RPTOR: variants seen among roughly 807,000 people sequenced by gnomAD.
RPTOR encodes regulatory-associated protein of mTOR.
Under a neutral mutation model 169.9 loss-of-function variants are expected in RPTOR, and 21 were observed. The observed-to-expected ratio is 0.12, with a 90% confidence interval of 0.09 to 0.18. The LOEUF (loss-of-function observed/expected upper bound fraction) is 0.18, where lower values mean the gene tolerates loss of function less well. RPTOR is among the 10% of genes least tolerant of loss of function. The pLI is 1.00. For synonymous variants in RPTOR, 732 were observed against 753.2 expected (o/e 0.97, Z 0.46); for missense variants, 1,133 against 1,855.9 (o/e 0.61, Z 7.16).
chr17:80,688,464 G>A (rs965493805), intron 3 of RPTOR, among the ~76,000 whole-genome samples: 2 of 152,224 alleles, frequency 1.3e-5, no homozygotes, highest in Non-Finnish European at 2.9e-5. Flanking sequence ...AGTATTGTCA[G>A]GTTCTGGATA....
chr17:80,578,025 G>A (rs1298532828), intron 1 of RPTOR, among the ~76,000 whole-genome samples: 1 of 152,228 alleles, frequency 6.6e-6, no homozygotes, highest in East Asian at 1.9e-4. Context: ...GACTGAGGGC[G>A]GAGATAGCCT....
At chr17:80,774,421 T>G (rs1272253825) in intron 6 of RPTOR, 10 of 902,766 alleles carry the variant, frequency 1.1e-5, no homozygotes, top group Non-Finnish European at 1.3e-5. Context: ...ACCCAGGACT[T>G]GTCAAAGCAG....
intron 1 of RPTOR, among the ~76,000 whole-genome samples, chr17:80,585,047 T>A (rs2065047250): frequency 6.6e-6 from 1 of 152,166 alleles, no homozygotes; most frequent in African/African-American, 2.4e-5. Flanking sequence ...GAGACTTTGC[T>A]TTTATGTGAA....
At chr17:80,932,304 A>G (rs530033374) in intron 24 of RPTOR, among the ~76,000 whole-genome samples, 1 of 152,214 alleles carries the variant, frequency 6.6e-6, no homozygotes, top group East Asian at 1.9e-4. Flanking sequence ...CCAGGAGTTC[A>G]AGACTAGCCT....
chr17:80,674,787 CAAAAAAAAA>C (rs9319608), intron 3 of RPTOR, among the ~76,000 whole-genome samples: 1 of 89,954 alleles, frequency 1.1e-5, no homozygotes, highest in African/African-American at 4.1e-5. Flanking sequence ...GACTCTGTCT[CAAAAAAAAA>C]AAAAAAAAAA....
chr17:80,828,079 GC>G (rs1324076374), intron 9 of RPTOR, among the ~76,000 whole-genome samples: 2 of 152,212 alleles, frequency 1.3e-5, no homozygotes, highest in African/African-American at 4.8e-5. Context: ...GTGCACCCAG[GC>G]AGAAGTGGTG....
In RPTOR at chr17:80,816,861, T is replaced by C. The variant is rs1191827268; in HGVS notation, c.891-5340T>C. ...ACAGGCATAAGGCCCCAGCGGCCAC[T>C]GCATGTTGAGCCCCAGCAGCCAGTG... is the stretch of plus-strand genomic sequence containing the variant. On this transcript the variant is annotated intron_variant, in intron 7 of 33. Coordinates refer to ENST00000306801, the MANE Select transcript of RPTOR (RefSeq NM_020761.3). Among the ~76,000 whole-genome samples the C allele has an allele frequency of 3.3e-5, 5 of 152,294 alleles. No individual in the cohort carries two copies. In the East Asian group the frequency reaches 5.8e-4, roughly 18 times the overall value.
intron 9 of RPTOR, among the ~76,000 whole-genome samples, chr17:80,831,317 T>A (rs1037601068): frequency 2.6e-5 from 4 of 152,334 alleles, no homozygotes; most frequent in Non-Finnish European, 5.9e-5. Flanking sequence ...TCAGTCCATG[T>A]CACCCTGAGA....
chr17:80,897,247 CAA>C (rs5822374), intron 20 of RPTOR, among the ~76,000 whole-genome samples: 241 of 146,124 alleles, frequency 1.6e-3, no homozygotes, highest in Non-Finnish European at 1.6e-3. Flanking sequence ...GACTCCATCT[CAA>C]AAAAAAAAAA....
At chr17:80,738,233 A>C (rs1220865890) in intron 5 of RPTOR, among the ~76,000 whole-genome samples, 1 of 152,126 alleles carries the variant, frequency 6.6e-6, no homozygotes, top group Non-Finnish European at 1.5e-5. Context: ...GCCTGTGGAC[A>C]CCCTCGCCTT....
In RPTOR at chr17:80,625,711, C is replaced by G. The variant is rs768585496; in HGVS notation, c.183C>G (p.Ala61=). The change falls in exon 2 of 34, where the codon GCC becomes GCG. Residue 61 remains alanine, a synonymous_variant. Coordinates refer to ENST00000306801, the MANE Select transcript of RPTOR (RefSeq NM_020761.3). ...MKDRMKTVSV[A]LVLCLNVGVD... ...TTCAGATGAAGACAGTCAGTGTTGC[C>G]TTAGTTTTGTGCCTGAATGTTGGTG... The G allele has an allele frequency of 6.2e-6, 10 of 1,612,204 alleles. No homozygotes were observed. Among genetic ancestry groups the G allele is most frequent in the South Asian group, 3.3e-5 (3 of 91,028 alleles).
At chr17:80,948,132 G>A (rs541941640) in intron 27 of RPTOR, among the ~76,000 whole-genome samples, 70 of 152,346 alleles carry the variant, frequency 4.6e-4, no homozygotes, top group Admixed American at 2.7e-3. Flanking sequence ...AGGCCAGCAC[G>A]GCTGAGAGAA....
intron 13 of RPTOR, among the ~76,000 whole-genome samples, chr17:80,874,832 C>G (rs895691188): frequency 6.6e-6 from 1 of 152,202 alleles, no homozygotes; most frequent in African/African-American, 2.4e-5. Flanking sequence ...CGAAGGCTCA[C>G]TCAGGAGCTG....
intron 13 of RPTOR, among the ~76,000 whole-genome samples, chr17:80,875,898 A>G (rs71389778): frequency 9.7e-3 from 542 of 56,148 alleles, no homozygotes; most frequent in East Asian, 0.019. Flanking sequence ...TGTGTGTGTC[A>G]CCTGCCAGGT....
intron 21 of RPTOR, among the ~76,000 whole-genome samples, chr17:80,911,155 A>T (rs1234799636): frequency 6.6e-6 from 1 of 152,186 alleles, no homozygotes; most frequent in African/African-American, 2.4e-5. Context: ...TCACCGGTAT[A>T]GTCACAAGTA....
Position 80,891,857 on chromosome 17 carries a change from G to A in RPTOR, c.2101+20G>A, listed in dbSNP as rs2068328564. The stretch of plus-strand genomic sequence containing the variant: ...CCACAGGTATGGCGTCTTCTCCTGT[G>A]AACCCGCAGAGCACCTCGCCTGGCG... On this transcript the variant is annotated intron_variant, in intron 18 of 33. Transcript: ENST00000306801. 6.5e-7 allele frequency: 1 copy of A among 1,549,532 alleles called. No homozygotes were observed. The highest frequency in any genetic ancestry group is 1.4e-5 in the African/African-American group (1 of 73,308).
chr17:80,718,296 C>T (rs933077736), intron 4 of RPTOR, among the ~76,000 whole-genome samples: 1 of 152,190 alleles, frequency 6.6e-6, no homozygotes, highest in Non-Finnish European at 1.5e-5. Flanking sequence ...AACCTAACCC[C>T]TACCCTCTGC....
At chr17:80,657,517 A>C (rs1201744707) in intron 3 of RPTOR, among the ~76,000 whole-genome samples, 1 of 152,002 alleles carries the variant, frequency 6.6e-6, no homozygotes, top group African/African-American at 2.4e-5. Flanking sequence ...GCTGTTTCTC[A>C]GTGTGAATAT....
At chr17:80,664,991 G>C (rs2065752691) in intron 3 of RPTOR, among the ~76,000 whole-genome samples, 1 of 152,032 alleles carries the variant, frequency 6.6e-6, no homozygotes. Flanking sequence ...TCCTGCTTCT[G>C]TCCTCTGTAT....
Sources: allele counts gnomAD v4.1 joint callset (sites outside exome capture counted in the v4.1 genomes callset), GRCh38; gene constraint gnomAD v4.1.1; transcripts MANE v1.5; gene names NCBI Gene and HGNC (gene_info 2026-07-23, HGNC 2026-07-21).